COL24A1: variants seen among roughly 807,000 people sequenced by gnomAD.
The protein encoded by COL24A1 is collagen type XXIV alpha 1 chain, also known as collagen alpha-1(XXIV) chain.
In COL24A1, 224 loss-of-function variants were observed where a neutral mutation model predicts 253.9. That is an observed-to-expected ratio of 0.88 (90% CI 0.79 to 0.99). COL24A1 has a LOEUF of 0.99. Ranked by LOEUF, COL24A1 falls within the 50% of genes least tolerant of loss-of-function variation. The probability of loss-of-function intolerance (pLI) is 0.00; values close to 1 mark genes in which losing one functional copy is unlikely to be tolerated. For synonymous variants in COL24A1, 685 were observed against 673.7 expected (o/e 1.02, Z -0.26); for missense variants, 2,131 against 2,068.5 (o/e 1.03, Z -0.59).
chr1:85,781,583 AT>A (rs778450811), intron 51 of COL24A1, among the ~76,000 whole-genome samples: 3 of 152,182 alleles, frequency 2.0e-5, no homozygotes, highest in African/African-American at 4.8e-5. Flanking sequence ...TATATAACAA[AT>A]AAAACTACTT....
In COL24A1 at chr1:85,842,051, C is replaced by G. The variant is rs1460491548; in HGVS notation, c.3570+17G>C. Reference sequence around the variant, plus strand: ...AATGTTTAACTTTAAGATTAAAAAGCCAATATATACACAAACCTTTTCTCC... The same window carrying G: ...AATGTTTAACTTTAAGATTAAAAAGGCAATATATACACAAACCTTTTCTCC... On this transcript the variant is annotated intron_variant, in intron 41 of 59. Transcript: ENST00000370571. 2 of 1,608,910 alleles carry G rather than the reference C, an allele frequency of 1.2e-6. No homozygotes were observed. Among genetic ancestry groups the G allele is most frequent in the African/African-American group, 2.7e-5 (2 of 74,942 alleles).
intron 47 of COL24A1, among the ~76,000 whole-genome samples, chr1:85,789,942 A>G (rs977638739): frequency 2.6e-5 from 4 of 152,090 alleles, no homozygotes; most frequent in Non-Finnish European, 4.4e-5. Flanking sequence ...GTACTGCTGG[A>G]TTTGGTTTGC....
chr1:85,782,232 A>G (rs1417892776), intron 51 of COL24A1, among the ~76,000 whole-genome samples: 1 of 152,082 alleles, frequency 6.6e-6, no homozygotes, highest in Non-Finnish European at 1.5e-5. Context: ...GATTACAGGC[A>G]TGTGCCACCA....
Position 85,849,389 on chromosome 1 carries a change from C to T in COL24A1, c.3318G>A (p.Val1106=). 3 of 1,611,562 alleles carry T rather than the reference C, an allele frequency of 1.9e-6. No individual in the cohort carries two copies. Among genetic ancestry groups the T allele is most frequent in the Non-Finnish European group, 2.5e-6 (3 of 1,178,570 alleles). The stretch of plus-strand genomic sequence containing the variant: ...GACGACCTCTTTGCCCTGGAATTCC[C>T]ACAATTCCTTCAGGTCCCTAAAATA... The part of the protein sequence containing the change: ...QTGLPGPEGI[V]GIPGQRGRPG... Residue 1106 remains valine (V), a synonymous_variant, in exon 38 of 60, where the codon GTG becomes GTA. Transcript: ENST00000370571.
At chr1:85,894,065 C>T (rs72712704) in intron 31 of COL24A1, among the ~76,000 whole-genome samples, 18,275 of 152,210 alleles carry the variant, frequency 0.12, 1,245 homozygotes, top group South Asian at 0.28. Context: ...GCATAAATGA[C>T]TAAAAACGCT....
intron 47 of COL24A1, among the ~76,000 whole-genome samples, chr1:85,803,503 G>A (rs1018526825): frequency 1.3e-5 from 2 of 149,594 alleles, no homozygotes; most frequent in Admixed American, 6.7e-5. Context: ...TTATGATCCA[G>A]AGACATAGTA....
intron 43 of COL24A1, among the ~76,000 whole-genome samples, chr1:85,833,190 A>G (rs1385015409): frequency 2.0e-5 from 3 of 152,194 alleles, no homozygotes; most frequent in African/African-American, 4.8e-5. Flanking sequence ...GCAACCTACA[A>G]AATGGGAGAA....
At chr1:86,009,634 A>G (rs1287759811) in intron 19 of COL24A1, among the ~76,000 whole-genome samples, 1 of 152,154 alleles carries the variant, frequency 6.6e-6, no homozygotes, top group East Asian at 1.9e-4. Flanking sequence ...GGCACTTACC[A>G]TGACTGGGGC....
chr1:86,022,185 T>C (rs1697601363), intron 18 of COL24A1, 55 bp downstream of exon 18: 3 of 1,458,778 alleles, frequency 2.1e-6, no homozygotes, highest in South Asian at 2.3e-5. Flanking sequence ...TCGAGACTCA[T>C]GCCATGACAT....
At chr1:86,119,302 G>T (rs1401419221) in intron 3 of COL24A1, among the ~76,000 whole-genome samples, 1 of 151,860 alleles carries the variant, frequency 6.6e-6, no homozygotes, top group Non-Finnish European at 1.5e-5. Flanking sequence ...AAACTCCTCA[G>T]ACCTCAAACC....
chr1:86,087,262 T>C (rs562201042), intron 7 of COL24A1, among the ~76,000 whole-genome samples: 11 of 152,170 alleles, frequency 7.2e-5, no homozygotes, highest in Non-Finnish European at 1.2e-4. Context: ...TATATGACTT[T>C]ACTAGAAAAA....
chr1:85,797,079 C>T (rs546405608), intron 47 of COL24A1, among the ~76,000 whole-genome samples: 84 of 151,234 alleles, frequency 5.6e-4, no homozygotes, highest in Admixed American at 4.4e-3. Context: ...TGGTGGTGGG[C>T]GCCTGTAGTC....
At chr1:85,965,088 A>C in intron 22 of COL24A1, 26 bp from the exon 23 acceptor site, 1 of 1,581,066 alleles carries the variant, frequency 6.3e-7, no homozygotes, top group Non-Finnish European at 8.6e-7. Context: ...ATAAAAGAAG[A>C]AAGTATATAT....
At chr1:85,884,853 T>C (rs1682287695) in intron 32 of COL24A1, among the ~76,000 whole-genome samples, 1 of 152,154 alleles carries the variant, frequency 6.6e-6, no homozygotes, top group Non-Finnish European at 1.5e-5. Context: ...TTTCTCTATC[T>C]TTAAAGTAAG....
chr1:86,094,822 T>G (rs1218471975), intron 5 of COL24A1, among the ~76,000 whole-genome samples: 2 of 152,042 alleles, frequency 1.3e-5, no homozygotes, highest in East Asian at 3.9e-4. Context: ...TACTTAGAAT[T>G]TATAAGAGTA....
At chr1:86,110,456 C>T (rs956057867) in intron 5 of COL24A1, among the ~76,000 whole-genome samples, 9 of 152,094 alleles carry the variant, frequency 5.9e-5, no homozygotes, top group Admixed American at 2.0e-4. Flanking sequence ...TCCACTCTGG[C>T]CGCGCTTGAG....
chr1:86,145,147 C>T (rs1651699652), intron 2 of COL24A1, among the ~76,000 whole-genome samples: 1 of 152,082 alleles, frequency 6.6e-6, no homozygotes, highest in Non-Finnish European at 1.5e-5. Flanking sequence ...GAGTACCACT[C>T]TTCCTTTTTG....
chr1:85,891,048 C>T (rs916503469), intron 31 of COL24A1, among the ~76,000 whole-genome samples: 5 of 151,140 alleles, frequency 3.3e-5, no homozygotes, highest in African/African-American at 1.2e-4. Context: ...TAAATTGCAT[C>T]TTTTTTTCTT....
At chr1:86,012,803 A>T (rs1238371371) in intron 19 of COL24A1, among the ~76,000 whole-genome samples, 1 of 152,058 alleles carries the variant, frequency 6.6e-6, no homozygotes, top group Non-Finnish European at 1.5e-5. Context: ...GGCATACATG[A>T]TATATCTCCT....
Sources: allele counts gnomAD v4.1 joint callset (sites outside exome capture counted in the v4.1 genomes callset), GRCh38; gene constraint gnomAD v4.1.1; transcripts MANE v1.5; gene names NCBI Gene and HGNC (gene_info 2026-07-23, HGNC 2026-07-21).